SHMT2: variants seen among roughly 807,000 people sequenced by gnomAD.
SHMT2 encodes the protein serine hydroxymethyltransferase 2.
Under a neutral mutation model 59.6 loss-of-function variants are expected in SHMT2, and 38 were observed. The ratio of observed to expected loss-of-function variants is 0.64; its 90% CI spans 0.49 to 0.84. The LOEUF (loss-of-function observed/expected upper bound fraction) is 0.84. Among genes scored for constraint, SHMT2 ranks in the 40% least tolerant of loss-of-function variants. The pLI, the probability that SHMT2 is intolerant of heterozygous loss-of-function variation, is 0.00. For synonymous variants in SHMT2, 254 were observed against 258.1 expected, an observed-to-expected ratio of 0.98 and a Z score of 0.15; for missense variants, 533 against 659.5, an observed-to-expected ratio of 0.81 and a Z score of 2.10.
Position 57,233,293 on chromosome 12 carries a change from AG to A in SHMT2, c.977del (p.Gly326AlafsTer10), listed in dbSNP as rs35603162. 9 of 1,603,654 alleles carry A rather than the reference AG, an allele frequency of 5.6e-6. No homozygotes were observed. The highest frequency in any genetic ancestry group is 2.2e-5 in the East Asian group (1 of 44,754). On this transcript the variant is annotated frameshift_variant, in exon 8 of 12. Transcript: ENST00000328923. LOFTEE classifies it high-confidence loss of function. Reference protein sequence around the residue: ...RINFAVFPSLQGGPHNHAIAA... With the variant: ...RINFAVFPSLXGGPHNHAIAA... Reference sequence around the variant, plus strand: ...AACTTTGCCGTGTTCCCATCCCTGCAGGGGGGCCCCCACAATCATGCCATTG... The same window carrying A: ...AACTTTGCCGTGTTCCCATCCCTGCAGGGGGCCCCCACAATCATGCCATTG...
In SHMT2 at chr12:57,234,532, T is replaced by C; in HGVS notation, c.*171T>C. On this transcript the variant is annotated 3_prime_UTR_variant, in exon 12 of 12. Coordinates refer to ENST00000328923, the MANE Select transcript of SHMT2 (RefSeq NM_005412.6). ...AGAATTTGTAACTGAGAAGATCTTT[T>C]CTTTTTCCTTTTTTTGGTAACAAGA... 3 of 655,142 alleles carry C rather than the reference T, an allele frequency of 4.6e-6. No individual in the cohort carries two copies. Among genetic ancestry groups the C allele is most frequent in the South Asian group, 7.2e-5 (2 of 27,766 alleles). The allele number at this position is 655,142 out of a possible 1,614,324, so 40.6% of individuals were successfully genotyped here. A position where few individuals can be genotyped will look rare whatever the true frequency, so the allele number is the denominator to read the frequency against.
intron 2 of SHMT2, chr12:57,231,239 A>G (rs2037304783): frequency 1.1e-5 from 7 of 612,682 alleles, no homozygotes; most frequent in South Asian, 6.1e-5. Context: ...CCTTCCTCCT[A>G]TGAGGAAGGA....
chr12:57,232,243 G>A lies in SHMT2; in HGVS notation c.545G>A (p.Arg182Gln), dbSNP rs1235979303. Residue 182 changes from arginine to glutamine, a missense_variant, in exon 5 of 12, where the codon CGG (arginine) becomes CAG (glutamine). Arg to Gln is a conservative substitution (Grantham distance 43, BLOSUM62 1). Coordinates refer to ENST00000328923, the MANE Select transcript of SHMT2 (RefSeq NM_005412.6). ...LTHGYMSDVK[R>Q]ISATSIFFES... ...CACGGCTACATGTCTGACGTCAAGC[G>A]GATATCAGCCACGTCCATCTTCTTC... 3.1e-6 allele frequency: 5 copies of A among 1,614,150 alleles called. No individual in the cohort carries two copies. The highest frequency in any genetic ancestry group is 2.2e-5 in the South Asian group (2 of 91,074).
At chr12:57,231,294 G>A in intron 2 of SHMT2, 187 bp from the exon 3 acceptor site, 1 of 654,004 alleles carries the variant, frequency 1.5e-6, no homozygotes, top group Admixed American at 2.9e-5. Context: ...GCATTGAGGG[G>A]CCACTGCTCA....
rs1487312566 is a variant in SHMT2 at position 57,230,807 on chromosome 12, T to C, written c.38T>C (p.Leu13Pro). Residue 13 changes from leucine (L) to proline (P), a missense_variant, in exon 2 of 12, where the codon CTG (leucine) becomes CCG (proline). Leu to Pro is a moderately conservative substitution (Grantham distance 98). Coordinates refer to ENST00000328923, the MANE Select transcript of SHMT2 (RefSeq NM_005412.6). ...CCTGACTTTTCCTGCCTTCAGCCTC[T>C]GCAGAGATGTGGGCAGCTGGTCAGG... ...YFSLFWAARP[L>P]QRCGQLVRMA... is the part of the protein sequence containing the mutation. 1.2e-6 allele frequency: 2 copies of C among 1,614,024 alleles called. No individual in the cohort carries two copies. The highest frequency in any genetic ancestry group is 1.7e-5 in the Admixed American group (1 of 60,020).
Position 57,233,893 on chromosome 12 carries a change from G to A in SHMT2, c.1268G>A (p.Gly423Asp), listed in dbSNP as rs1171269229. The A allele has an allele frequency of 6.2e-7, 1 of 1,614,204 alleles. No individual in the cohort carries two copies. The highest frequency in any genetic ancestry group is 8.5e-7 in the Non-Finnish European group (1 of 1,180,044). ...PGDRSAITPG[G>D]LRLGAPALTS... ...GACCGAAGTGCCATCACACCGGGCG[G>A]CCTGCGGCTTGGTGAGACCTGGGGT... Residue 423 changes from glycine (G) to aspartate (D), a missense_variant, in exon 10 of 12, where the codon GGC becomes GAC. Physicochemically the swap from Gly to Asp is moderately conservative, Grantham distance 94. Coordinates refer to ENST00000328923, the MANE Select transcript of SHMT2 (RefSeq NM_005412.6).
rs1187621650 is a variant in SHMT2 at position 57,232,251 on chromosome 12, G to T, written c.553G>T (p.Ala185Ser). The T allele has an allele frequency of 6.2e-7, 1 of 1,614,184 alleles. No homozygotes were observed. Among genetic ancestry groups the T allele is most frequent in the Non-Finnish European group, 8.5e-7 (1 of 1,180,008 alleles). Reference sequence around the variant, plus strand: ...CATGTCTGACGTCAAGCGGATATCAGCCACGTCCATCTTCTTCGAGTCTAT... The same window carrying T: ...CATGTCTGACGTCAAGCGGATATCATCCACGTCCATCTTCTTCGAGTCTAT... Reference protein sequence around the residue: ...GYMSDVKRISATSIFFESMPY... With the variant: ...GYMSDVKRISSTSIFFESMPY... Residue 185 changes from alanine to serine, a missense_variant, in exon 5 of 12, where the codon GCC becomes TCC. By Grantham distance (99) the Ala-to-Ser change is moderately conservative. Coordinates refer to ENST00000328923, the MANE Select transcript of SHMT2 (RefSeq NM_005412.6).
intron 1 of SHMT2, chr12:57,230,446 A>G: frequency 8.5e-7 from 1 of 1,182,824 alleles, no homozygotes; most frequent in South Asian, 1.8e-5. Context: ...GCCCTGCAGG[A>G]AGACCCTCTT....
intron 3 of SHMT2, 59 bp downstream of exon 3, chr12:57,231,619 C>A (rs1236924881): frequency 6.2e-7 from 1 of 1,610,940 alleles, no homozygotes; most frequent in Non-Finnish European, 8.5e-7. Context: ...CCACCTGTAC[C>A]TTCCCAGTGT....
chr12:57,233,935 C>T (rs1236568074), intron 10 of SHMT2, 31 bp downstream of exon 10: 14 of 1,613,962 alleles, frequency 8.7e-6, no homozygotes, highest in East Asian at 2.2e-5. Context: ...AGGGAAGGGG[C>T]TCCCATGCTG....
At position 57,233,279 on chromosome 12, in the gene SHMT2, G is replaced by A. The variant is rs1275644658; in HGVS notation, c.957G>A (p.Val319=). Residue 319 remains valine, a synonymous_variant, in exon 8 of 12, where the codon GTG becomes GTA. Transcript: ENST00000328923. ...TTGAGGACCGAATCAACTTTGCCGT[G>A]TTCCCATCCCTGCAGGGGGGCCCCC... The part of the protein sequence containing the change: ...YTFEDRINFA[V]FPSLQGGPHN... 6.2e-7 allele frequency: 1 copy of A among 1,609,134 alleles called. No homozygotes were observed. Among genetic ancestry groups the A allele is most frequent in the East Asian group, 2.2e-5 (1 of 44,806 alleles).
Position 57,233,197 on chromosome 12 carries a change from A to T in SHMT2, c.875A>T (p.Tyr292Phe), listed in dbSNP as rs1290980872. The change falls in exon 8 of 12, where the codon TAC (tyrosine) becomes TTC (phenylalanine). Residue 292 changes from tyrosine to phenylalanine, a missense_variant. Physicochemically the swap from Tyr to Phe is conservative, Grantham distance 22. Coordinates refer to ENST00000328923, the MANE Select transcript of SHMT2 (RefSeq NM_005412.6). ...TCACACAGGTCAGGGCTCATCTTCT[A>T]CCGGAAAGGGGTGAAGGCTGTGGAC... ...LRGARSGLIFYRKGVKAVDPK... is the reference protein window; with the variant it reads ...LRGARSGLIFFRKGVKAVDPK... 1 of 1,570,252 alleles carries T rather than the reference A, an allele frequency of 6.4e-7. No individual in the cohort carries two copies. The highest frequency in any genetic ancestry group is 1.9e-5 in the Admixed American group (1 of 52,728).
chr12:57,231,356 G>A, intron 2 of SHMT2, 125 bp from the exon 3 acceptor site: 1 of 1,031,190 alleles, frequency 9.7e-7, no homozygotes, highest in Non-Finnish European at 1.4e-6. Flanking sequence ...CAGGCCTGGT[G>A]CTGAGTGAAT....
At chr12:57,230,752 G>A in intron 1 of SHMT2, 51 bp from the exon 2 acceptor site, 1 of 1,596,808 alleles carries the variant, frequency 6.3e-7, no homozygotes, top group Non-Finnish European at 8.6e-7. Context: ...GTGGCCGGGA[G>A]ACGATTTGTC....
At chr12:57,229,938 C>A (rs758671049) in intron 1 of SHMT2, 127 bp downstream of exon 1, 86 of 1,489,698 alleles carry the variant, frequency 5.8e-5, no homozygotes, top group Non-Finnish European at 7.7e-5. Context: ...CCTCAGGGAG[C>A]GGACGTGTAA....
intron 2 of SHMT2, 58 bp downstream of exon 2, chr12:57,231,058 G>A: frequency 2.0e-6 from 3 of 1,531,478 alleles, no homozygotes. Context: ...AAGTAACAAA[G>A]TTATCTTAAC....
Position 57,231,962 on chromosome 12 carries a change from G to A in SHMT2, c.512+49G>A. ...TGGTCTTGGCGGCAGGATTGGTGTG[G>A]GAAAGGAGTTATTTATTGAATACCT... On this transcript the variant is annotated intron_variant, in intron 4 of 11. Coordinates refer to ENST00000328923, the MANE Select transcript of SHMT2 (RefSeq NM_005412.6). The A allele has an allele frequency of 6.4e-7, 1 of 1,551,172 alleles. No homozygotes were observed. The highest frequency in any genetic ancestry group is 1.2e-5 in the South Asian group (1 of 85,806).
intron 1 of SHMT2, chr12:57,230,306 C>A: frequency 8.7e-7 from 1 of 1,148,936 alleles, no homozygotes. Context: ...CCACCCCCAC[C>A]ACTCCCACAC....
chr12:57,232,281 T>C lies in SHMT2; in HGVS notation c.583T>C (p.Tyr195His), dbSNP rs1230478142. The change falls in exon 5 of 12, where the codon TAT becomes CAT. Residue 195 changes from tyrosine to histidine, a missense_variant. Tyr to His is a moderately conservative substitution (Grantham distance 83). Transcript: ENST00000328923. The stretch of plus-strand genomic sequence containing the variant: ...GTCCATCTTCTTCGAGTCTATGCCC[T>C]ATAAGCTCAACGTGAGTGCTCTAGG... Reference protein sequence around the residue: ...ATSIFFESMPYKLNPKTGLID... With the variant: ...ATSIFFESMPHKLNPKTGLID... 6.2e-7 allele frequency: 1 copy of C among 1,613,968 alleles called. No homozygotes were observed.
Sources: gnomAD v4.1 joint callset for allele counts on GRCh38, gnomAD v4.1.1 for gene constraint, MANE v1.5 for transcripts, NCBI Gene and HGNC (gene_info 2026-07-23, HGNC 2026-07-21) for gene names.